The following TENT4B variants were observed in gnomAD, a reference collection of about 807,000 sequenced individuals.
TENT4B encodes the protein PAP associated domain containing 5.
In TENT4B, 10 loss-of-function variants were observed where a neutral mutation model predicts 75.0. The observed-to-expected ratio is 0.13, with a 90% CI of 0.08 to 0.23. TENT4B has a LOEUF of 0.23. TENT4B is among the 10% of genes least tolerant of loss of function. The pLI, the probability that TENT4B is intolerant of heterozygous loss-of-function variation, is 1.00. For synonymous variants in TENT4B, 350 were observed against 357.7 expected, an observed-to-expected ratio of 0.98 and a Z score of 0.24; for missense variants, 579 against 893.8, an observed-to-expected ratio of 0.65 and a Z score of 4.49.
chr16:50,214,954 C>T (rs141750457), intron 3 of TENT4B, among the ~76,000 whole-genome samples: 1,811 of 152,294 alleles, frequency 0.012, 16 homozygotes, highest in Admixed American at 0.032. Context: ...CTCACTCTTA[C>T]ACTCACCCTC....
At position 50,232,095 on chromosome 16, in the gene TENT4B, T is replaced by A. The variant is rs1209757687; in HGVS notation, c.*2767T>A. On this transcript the variant is annotated 3_prime_UTR_variant, in exon 12 of 12. Coordinates refer to ENST00000561678, the MANE Select transcript of TENT4B (RefSeq NM_001365324.3). ...ATTAGAAATATTAATATTTAAAGAC[T>A]GTTTTTTAGAGGAGCTGATGGGTTG... 1 of 985,108 alleles carries A rather than the reference T, an allele frequency of 1.0e-6. No individual in the cohort carries two copies. Among genetic ancestry groups the A allele is most frequent in the Admixed American group, 6.1e-5 (1 of 16,266 alleles). 61.0% of individuals were successfully genotyped at this position (985,108 alleles called of 1,614,324 possible).
intron 6 of TENT4B, 90 bp from the exon 7 acceptor site, chr16:50,223,084 A>ATTGC: frequency 9.2e-7 from 1 of 1,089,200 alleles, no homozygotes; most frequent in South Asian, 1.6e-5. Flanking sequence ...TTATAATAAT[A>ATTGC]TTGCTTGTAG....
chr16:50,153,046 C>T (rs889923881), upstream of TENT4B: 6 of 1,492,894 alleles, frequency 4.0e-6, no homozygotes, highest in Non-Finnish European at 5.3e-6. Context: ...CGTGGGAGCA[C>T]TCCACAGATG....
intron 1 of TENT4B, among the ~76,000 whole-genome samples, chr16:50,162,484 T>A (rs1185443437): frequency 6.6e-6 from 1 of 152,210 alleles, no homozygotes; most frequent in Non-Finnish European, 1.5e-5. Context: ...GTGTTACCAC[T>A]TTTTTATTTG....
At chr16:50,170,231 G>A (rs2038180109) in intron 1 of TENT4B, among the ~76,000 whole-genome samples, 4 of 151,954 alleles carry the variant, frequency 2.6e-5, no homozygotes, top group Admixed American at 2.6e-4. Context: ...ATGTTGGCCA[G>A]GCTGGACTTG....
chr16:50,174,152 C>G (rs531448752), intron 1 of TENT4B, among the ~76,000 whole-genome samples: 2 of 152,230 alleles, frequency 1.3e-5, no homozygotes, highest in African/African-American at 4.8e-5. Context: ...GTCTGGAATG[C>G]AGTGGCATGA....
rs747050006 is a variant in TENT4B at position 50,168,111 on chromosome 16, T to TA, written c.638+13864dup. 1.1e-3 allele frequency among the ~76,000 whole-genome samples: 96 copies of TA among 89,030 alleles called. 1 individual carries two copies. The highest frequency in any genetic ancestry group is 1.5e-3 in the African/African-American group (53 of 34,686). 58.4% of individuals were successfully genotyped at this position (89,030 alleles called of 152,430 possible). A position where few individuals can be genotyped will look rare whatever the true frequency, so the allele number is the denominator to read the frequency against. ...AGACCCTATCTCCATAAAAAATAAT[T>TA]AAAAAAAAAAAAGAATGCAGAAGGA... On this transcript the variant is annotated intron_variant, in intron 1 of 11. Coordinates refer to ENST00000561678, the MANE Select transcript of TENT4B (RefSeq NM_001365324.3).
At position 50,234,694 on chromosome 16, in the gene TENT4B, A is replaced by T; in HGVS notation, c.*5366A>T. 1.0e-6 allele frequency: 1 copy of T among 985,446 alleles called. No individual in the cohort carries two copies. The highest frequency in any genetic ancestry group is 1.2e-6 in the Non-Finnish European group (1 of 829,920). 61.0% of individuals were successfully genotyped at this position (985,446 alleles called of 1,614,324 possible). On this transcript the variant is annotated 3_prime_UTR_variant, in exon 12 of 12. Transcript: ENST00000561678. ...AAAATAAATCACAAGCTTGTTTGTTAGACGTGTCAAGAGTCTCCAGTCTTT... is the reference window on the plus strand; with the variant it reads ...AAAATAAATCACAAGCTTGTTTGTTTGACGTGTCAAGAGTCTCCAGTCTTT...
chr16:50,205,753 G>A (rs1488118193), intron 1 of TENT4B, among the ~76,000 whole-genome samples: 2 of 151,472 alleles, frequency 1.3e-5, no homozygotes, highest in Non-Finnish European at 2.9e-5. Context: ...ACCACACCCA[G>A]CTAATTTTTG....
rs140425298 is a variant in TENT4B, at chr16:50,190,746, G to A, written c.639-20577G>A. ...TTTACTATCTTAACCATTTAAGCCT[G>A]CAGTTCAGTGGCATTAAATACATTC... On this transcript the variant is annotated intron_variant, in intron 1 of 11. Coordinates refer to ENST00000561678, the MANE Select transcript of TENT4B (RefSeq NM_001365324.3). Among the ~76,000 whole-genome samples, 194 of 152,164 alleles carry A rather than the reference G, an allele frequency of 1.3e-3. 1 individual carries two copies. The highest frequency in any genetic ancestry group is 2.3e-3 in the Non-Finnish European group (154 of 68,036).
intron 11 of TENT4B, 82 bp downstream of exon 11, chr16:50,228,085 G>A (rs1183929594): frequency 2.0e-6 from 3 of 1,491,422 alleles, no homozygotes; most frequent in Non-Finnish European, 2.7e-6. Flanking sequence ...TATGCAGCAT[G>A]GGTTTGAAGA....
At chr16:50,181,266 A>AGTGTGCCTTT (rs2038409913) in intron 1 of TENT4B, among the ~76,000 whole-genome samples, 1 of 151,994 alleles carries the variant, frequency 6.6e-6, no homozygotes, top group Admixed American at 6.6e-5. Context: ...ATGTGGAGAC[A>AGTGTGCCTTT]GTGTGCCTTG....
Position 50,233,852 on chromosome 16 carries a change from G to T in TENT4B, c.*4524G>T, listed in dbSNP as rs914516919. On this transcript the variant is annotated 3_prime_UTR_variant, in exon 12 of 12. Coordinates refer to ENST00000561678, the MANE Select transcript of TENT4B (RefSeq NM_001365324.3). Reference sequence around the variant, plus strand: ...TATTACACATTTGTGGTAGCTCCTGGATTTACTGAGAGATATTTTAGCTAT... The same window carrying T: ...TATTACACATTTGTGGTAGCTCCTGTATTTACTGAGAGATATTTTAGCTAT... The T allele has an allele frequency of 7.1e-6, 7 of 985,422 alleles. No homozygotes were observed. Among genetic ancestry groups the T allele is most frequent in the Non-Finnish European group, 8.4e-6 (7 of 829,922 alleles). 61.0% of individuals were successfully genotyped at this position (985,422 alleles called of 1,614,324 possible).
intron 1 of TENT4B, among the ~76,000 whole-genome samples, chr16:50,166,430 G>C (rs2038102159): frequency 6.6e-6 from 1 of 152,120 alleles, no homozygotes; most frequent in African/African-American, 2.4e-5. Flanking sequence ...CCAATCTAGT[G>C]GGTATGAAGT....
chr16:50,213,555 G>A (rs1320833410), intron 2 of TENT4B, among the ~76,000 whole-genome samples: 3 of 152,104 alleles, frequency 2.0e-5, no homozygotes. Flanking sequence ...TCTATTCGAA[G>A]ACTCCTGCTT....
chr16:50,185,733 CCTCT>C (rs959162904), intron 1 of TENT4B, among the ~76,000 whole-genome samples: 2 of 151,822 alleles, frequency 1.3e-5, no homozygotes, highest in Non-Finnish European at 2.9e-5. Context: ...TCCCTTCCTC[CCTCT>C]CTCTTTTCTT....
At chr16:50,216,229 A>G (rs758795085) in intron 4 of TENT4B, 34 bp downstream of exon 4, 2 of 1,611,408 alleles carry the variant, frequency 1.2e-6, no homozygotes, top group Admixed American at 1.7e-5. Context: ...TAAAATCCTT[A>G]GTTATTTACC....
intron 4 of TENT4B, among the ~76,000 whole-genome samples, chr16:50,216,829 A>T (rs974388324): frequency 5.3e-5 from 8 of 151,154 alleles, no homozygotes; most frequent in Non-Finnish European, 1.2e-4. Context: ...TATTTAAAAA[A>T]TTTTTTTTTG....
intron 1 of TENT4B, among the ~76,000 whole-genome samples, chr16:50,159,428 T>C (rs1309835283): frequency 6.6e-6 from 1 of 151,960 alleles, no homozygotes; most frequent in Non-Finnish European, 1.5e-5. Context: ...TTAGTAGAGA[T>C]GGGGTTTCTC....
Sources: gnomAD v4.1 joint callset for allele counts (sites outside exome capture counted in the v4.1 genomes callset) on GRCh38, gnomAD v4.1.1 for gene constraint, MANE v1.5 for transcripts, NCBI Gene and HGNC (gene_info 2026-07-23, HGNC 2026-07-21) for gene names.